Variants in SEMA3E observed in about 807,000 individuals in gnomAD.
SEMA3E encodes semaphorin 3E.
A neutral mutation model predicts 93.6 loss-of-function variants in SEMA3E; 49 were observed. The ratio of observed to expected loss-of-function variants is 0.52; its 90% CI spans 0.42 to 0.66. The LOEUF (loss-of-function observed/expected upper bound fraction) is 0.66. Among genes scored for constraint, SEMA3E ranks in the 30% least tolerant of loss-of-function variants. The pLI is 0.00. For synonymous variants in SEMA3E, 363 were observed against 330.7 expected, an observed-to-expected ratio of 1.10 and a Z score of -1.06; for missense variants, 906 against 964.8, an observed-to-expected ratio of 0.94 and a Z score of 0.81.
chr7:83,473,271 C>T (rs1789941386), intron 2 of SEMA3E, among the ~76,000 whole-genome samples: 1 of 152,114 alleles, frequency 6.6e-6, no homozygotes, highest in Admixed American at 6.5e-5. Context: ...CCTCAGAGAC[C>T]TTAGTTAAGA....
At chr7:83,474,377 T>C (rs1340941695) in intron 2 of SEMA3E, among the ~76,000 whole-genome samples, 3 of 152,156 alleles carry the variant, frequency 2.0e-5, no homozygotes, top group African/African-American at 7.2e-5. Flanking sequence ...GTATAAAATA[T>C]TACTTCGATG....
intron 16 of SEMA3E, among the ~76,000 whole-genome samples, chr7:83,375,036 T>G (rs897513868): frequency 2.0e-5 from 3 of 152,132 alleles, no homozygotes; most frequent in Admixed American, 2.0e-4. Context: ...AAACTAAGTT[T>G]GTAAAGAGAG....
chr7:83,457,464 C>T (rs982349006), intron 4 of SEMA3E, among the ~76,000 whole-genome samples: 9 of 152,142 alleles, frequency 5.9e-5, no homozygotes, highest in Non-Finnish European at 1.2e-4. Flanking sequence ...TATTTCTTCC[C>T]AATCAGCAAG....
At chr7:83,415,372 T>A (rs1183674642) in intron 5 of SEMA3E, among the ~76,000 whole-genome samples, 1 of 152,030 alleles carries the variant, frequency 6.6e-6, no homozygotes, top group Admixed American at 6.6e-5. Context: ...CAATATAAAT[T>A]GTGTTACTAC....
intron 1 of SEMA3E, among the ~76,000 whole-genome samples, chr7:83,645,563 C>G (rs1397673599): frequency 1.3e-5 from 2 of 152,064 alleles, no homozygotes; most frequent in African/African-American, 4.8e-5. Flanking sequence ...ATCCACCAGG[C>G]TTGCCCTAAG....
intron 2 of SEMA3E, among the ~76,000 whole-genome samples, chr7:83,475,845 G>C (rs1487708293): frequency 6.6e-6 from 1 of 152,186 alleles, no homozygotes; most frequent in Admixed American, 6.5e-5. Flanking sequence ...GCCAGAACAT[G>C]CATTGTTCCT....
At chr7:83,592,082 T>G (rs1378671358) in intron 1 of SEMA3E, among the ~76,000 whole-genome samples, 1 of 152,114 alleles carries the variant, frequency 6.6e-6, no homozygotes, top group Admixed American at 6.6e-5. Context: ...TGCTTATATA[T>G]TAATGAATAT....
chr7:83,646,187 C>G (rs1287589577), intron 1 of SEMA3E, among the ~76,000 whole-genome samples: 6 of 152,192 alleles, frequency 3.9e-5, no homozygotes, highest in African/African-American at 1.4e-4. Context: ...ATATTAATTA[C>G]TTAATTCACT....
At chr7:83,605,493 C>T (rs752483406) in intron 1 of SEMA3E, among the ~76,000 whole-genome samples, 52 of 150,842 alleles carry the variant, frequency 3.4e-4, no homozygotes, top group African/African-American at 9.0e-4. Context: ...CACAGTGGTG[C>T]GATCTCAATT....
chr7:83,564,192 A>G (rs1287510560), intron 1 of SEMA3E, among the ~76,000 whole-genome samples: 1 of 152,222 alleles, frequency 6.6e-6, no homozygotes, highest in Non-Finnish European at 1.5e-5. Context: ...ATTTTTTAAT[A>G]TTAAGCATAA....
chr7:83,572,129 G>T (rs1170427355), intron 1 of SEMA3E, among the ~76,000 whole-genome samples: 1 of 152,090 alleles, frequency 6.6e-6, no homozygotes, highest in Non-Finnish European at 1.5e-5. Context: ...AATCAATATT[G>T]TTAAAATGGC....
rs369303490 is a variant in SEMA3E, at chr7:83,369,914, GTA to G, written c.1876-1878_1876-1877del. ...TGCCTCACATGATACTGACTCTGAA[GTA>G]AGCCTCCAGTGTTTTAAAATTTATC... is the stretch of plus-strand genomic sequence containing the variant. On this transcript the variant is annotated intron_variant, in intron 16 of 16. Transcript: ENST00000643230. Among the ~76,000 whole-genome samples the G allele has an allele frequency of 3.2e-3, 493 of 152,230 alleles. 2 individuals are homozygous for G. The highest frequency in any genetic ancestry group is 4.9e-3 in the Non-Finnish European group (330 of 68,000).
At chr7:83,388,590 A>G (rs2116921384) in intron 14 of SEMA3E, among the ~76,000 whole-genome samples, 1 of 152,088 alleles carries the variant, frequency 6.6e-6, no homozygotes, top group African/African-American at 2.4e-5. Flanking sequence ...GCAAAGCAGA[A>G]GTTTTACCCT....
chr7:83,541,967 C>T (rs1215474125), intron 1 of SEMA3E, among the ~76,000 whole-genome samples: 1 of 151,996 alleles, frequency 6.6e-6, no homozygotes, highest in Non-Finnish European at 1.5e-5. Context: ...AAGAGTCTGA[C>T]ATAATGTTGC....
intron 1 of SEMA3E, among the ~76,000 whole-genome samples, chr7:83,531,897 G>A (rs1791308972): frequency 6.6e-6 from 1 of 152,068 alleles, no homozygotes; most frequent in African/African-American, 2.4e-5. Context: ...ACATAAGATT[G>A]GCACCTATGA....
At chr7:83,458,263 A>G (rs1234106784) in intron 4 of SEMA3E, among the ~76,000 whole-genome samples, 1 of 151,680 alleles carries the variant, frequency 6.6e-6, no homozygotes, top group Non-Finnish European at 1.5e-5. Flanking sequence ...AAGTACACCA[A>G]GTTCCAGTTC....
intron 1 of SEMA3E, among the ~76,000 whole-genome samples, chr7:83,519,796 A>T (rs1241437605): frequency 6.6e-6 from 1 of 152,170 alleles, no homozygotes; most frequent in Non-Finnish European, 1.5e-5. Context: ...TTAACCTCAT[A>T]ACAACCACAT....
At chr7:83,648,377 C>CTTTTTT in intron 1 of SEMA3E, 51 bp downstream of exon 1, 1 of 1,297,334 alleles carries the variant, frequency 7.7e-7, no homozygotes, top group Non-Finnish European at 1.1e-6. Context: ...TTTCTTTTTT[C>CTTTTTT]TTTTTCTTTT....
intron 1 of SEMA3E, among the ~76,000 whole-genome samples, chr7:83,527,550 A>G (rs1364762425): frequency 1.3e-5 from 2 of 152,138 alleles, no homozygotes; most frequent in East Asian, 3.9e-4. Context: ...TTTAGGTTAC[A>G]ACTACACCCT....
Sources: allele counts gnomAD v4.1 joint callset (sites outside exome capture counted in the v4.1 genomes callset), GRCh38; gene constraint gnomAD v4.1.1; transcripts MANE v1.5; gene names NCBI Gene and HGNC (gene_info 2026-07-23, HGNC 2026-07-21).